FAM110B: variants seen among roughly 807,000 people sequenced by gnomAD.
The protein encoded by FAM110B is protein FAM110B.
FAM110B carries 6 observed loss-of-function variants against 20.4 expected under a neutral mutation model. The ratio of observed to expected loss-of-function variants is 0.29; its 90% CI spans 0.16 to 0.58. The LOEUF (loss-of-function observed/expected upper bound fraction) is 0.58. FAM110B is among the 20% of genes least tolerant of loss of function. The pLI, the probability that FAM110B is intolerant of heterozygous loss-of-function variation, is 0.90. For synonymous variants in FAM110B, 226 were observed against 214.1 expected, an observed-to-expected ratio of 1.06 and a Z score of -0.49; for missense variants, 434 against 498.2, an observed-to-expected ratio of 0.87 and a Z score of 1.23.
rs144263078 is a variant in FAM110B, at chr8:58,075,744, A to G, written c.-325+121A>G. 102 of 152,064 alleles carry G rather than the reference A, an allele frequency of 6.7e-4. 6 individuals are homozygous for G. The highest frequency in any genetic ancestry group is 2.4e-3 in the African/African-American group (99 of 41,514). The allele number at this position is 152,064 out of a possible 1,614,324, so 9.4% of individuals were successfully genotyped here. On this transcript the variant is annotated intron_variant, in intron 3 of 3. Coordinates refer to ENST00000519262, the MANE Select transcript of FAM110B (RefSeq NM_001377989.1). ...GGTTTCAGATATTTTGCTGTCTGGCAATAAATAAATAAATAAATATTTAAA... is the reference window on the plus strand; with the variant it reads ...GGTTTCAGATATTTTGCTGTCTGGCGATAAATAAATAAATAAATATTTAAA...
At chr8:58,057,632 G>A (rs768500772) in intron 2 of FAM110B, among the ~76,000 whole-genome samples, 2 of 152,124 alleles carry the variant, frequency 1.3e-5, no homozygotes, top group African/African-American at 2.4e-5. Flanking sequence ...TTCAGAAATA[G>A]TCATGTGGCT....
intron 2 of FAM110B, among the ~76,000 whole-genome samples, chr8:58,036,550 A>G (rs1805076121): frequency 6.6e-6 from 1 of 152,240 alleles, no homozygotes; most frequent in South Asian, 2.1e-4. Context: ...GCTGGTAAGA[A>G]TAATACAGCC....
At chr8:58,138,699 T>C (rs1215445822) in intron 3 of FAM110B, among the ~76,000 whole-genome samples, 23 of 152,226 alleles carry the variant, frequency 1.5e-4, no homozygotes, top group Admixed American at 1.4e-3. Flanking sequence ...GGTAACAAAC[T>C]GTACCCAGTC....
intron 3 of FAM110B, among the ~76,000 whole-genome samples, chr8:58,078,004 A>G (rs962512809): frequency 6.6e-6 from 1 of 152,236 alleles, no homozygotes; most frequent in Non-Finnish European, 1.5e-5. Context: ...TGTTTTGAAA[A>G]GCATAATTTG....
chr8:58,059,762 A>G (rs1805618884), intron 2 of FAM110B, among the ~76,000 whole-genome samples: 1 of 150,428 alleles, frequency 6.6e-6, no homozygotes, highest in Admixed American at 6.6e-5. Flanking sequence ...AGAGCAGTTT[A>G]TTAATTCTTT....
chr8:58,092,254 T>G (rs1806499634), intron 3 of FAM110B, among the ~76,000 whole-genome samples: 1 of 152,242 alleles, frequency 6.6e-6, no homozygotes, highest in Non-Finnish European at 1.5e-5. Context: ...TTATTTATTT[T>G]TTTAATTTTA....
At chr8:58,140,101 A>G (rs960823518) in intron 3 of FAM110B, among the ~76,000 whole-genome samples, 2 of 152,114 alleles carry the variant, frequency 1.3e-5, no homozygotes, top group African/African-American at 2.4e-5. Context: ...CAGGGTGCAG[A>G]GGAAGAAGGG....
chr8:58,079,648 G>T (rs1806139478), intron 3 of FAM110B, among the ~76,000 whole-genome samples: 1 of 152,082 alleles, frequency 6.6e-6, no homozygotes. Context: ...AGGTGTTGTG[G>T]CATGCGCCTG....
intron 3 of FAM110B, among the ~76,000 whole-genome samples, chr8:58,115,158 G>T (rs181448473): frequency 6.6e-6 from 1 of 151,888 alleles, no homozygotes; most frequent in East Asian, 1.9e-4. Flanking sequence ...CCCCACCCTG[G>T]CCAATTTCTT....
At chr8:57,998,257 G>A (rs1235303440) in intron 1 of FAM110B, among the ~76,000 whole-genome samples, 1 of 152,186 alleles carries the variant, frequency 6.6e-6, no homozygotes, top group South Asian at 2.1e-4. Context: ...GGCACATTTA[G>A]CTTCTTTGAA....
At chr8:58,079,077 C>CG (rs1806117550) in intron 3 of FAM110B, among the ~76,000 whole-genome samples, 1 of 152,148 alleles carries the variant, frequency 6.6e-6, no homozygotes. Flanking sequence ...GCCAGCACCC[C>CG]TGACTTTTGC....
At chr8:58,138,294 C>T (rs1803666962) in intron 3 of FAM110B, among the ~76,000 whole-genome samples, 1 of 152,230 alleles carries the variant, frequency 6.6e-6, no homozygotes, top group Non-Finnish European at 1.5e-5. Flanking sequence ...ACATTGTTTT[C>T]TGTTGGCCTC....
rs1490861471 is a variant in FAM110B, at chr8:58,148,175, T to TG, written c.*832_*833insG. ...AAAGTTGTGGTTTTTTGTTTTTTTTTTTTTTTTTTTTGGTCGAGAACTACT... is the reference window on the plus strand; with the variant it reads ...AAAGTTGTGGTTTTTTGTTTTTTTTTGTTTTTTTTTTTGGTCGAGAACTACT... On this transcript the variant is annotated 3_prime_UTR_variant, in exon 4 of 4. Coordinates refer to ENST00000519262, the MANE Select transcript of FAM110B (RefSeq NM_001377989.1). 7 of 154,482 alleles carry TG rather than the reference T, an allele frequency of 4.5e-5. No individual in the cohort carries two copies. The highest frequency in any genetic ancestry group is 2.2e-4 in the Admixed American group (3 of 13,714). 9.6% of individuals were successfully genotyped at this position (154,482 alleles called of 1,614,324 possible).
chr8:58,125,721 AT>A (rs1807483756), intron 3 of FAM110B, among the ~76,000 whole-genome samples: 1 of 152,228 alleles, frequency 6.6e-6, no homozygotes, highest in Admixed American at 6.5e-5. Context: ...CCTGAGAAAC[AT>A]GTCAATTTAC....
At chr8:58,000,014 C>T (rs1804260889) in intron 1 of FAM110B, among the ~76,000 whole-genome samples, 1 of 152,152 alleles carries the variant, frequency 6.6e-6, no homozygotes, top group African/African-American at 2.4e-5. Context: ...CAAGCAAAAA[C>T]TGTGCAAGAT....
chr8:58,003,121 A>G (rs970266188), intron 1 of FAM110B, among the ~76,000 whole-genome samples: 1 of 152,252 alleles, frequency 6.6e-6, no homozygotes, highest in Non-Finnish European at 1.5e-5. Flanking sequence ...TGTTTAGAGC[A>G]TCTTCAGCAG....
chr8:58,141,457 G>A (rs1300764538), intron 3 of FAM110B, among the ~76,000 whole-genome samples: 1 of 152,166 alleles, frequency 6.6e-6, no homozygotes, highest in Non-Finnish European at 1.5e-5. Flanking sequence ...ACTTAGAGCT[G>A]AATTACTCAG....
Position 58,147,400 on chromosome 8 carries a change from T to C in FAM110B, c.*57T>C. 6.4e-7 allele frequency: 1 copy of C among 1,557,148 alleles called. No individual in the cohort carries two copies. Among genetic ancestry groups the C allele is most frequent in the Non-Finnish European group, 8.7e-7 (1 of 1,149,806 alleles). Reference sequence around the variant, plus strand: ...TCTGTGCTTACGCAGTTGTGAAGGTTGTGAGGTCTCCTTGAAGTGTTGTGA... The same window carrying C: ...TCTGTGCTTACGCAGTTGTGAAGGTCGTGAGGTCTCCTTGAAGTGTTGTGA... On this transcript the variant is annotated 3_prime_UTR_variant, in exon 4 of 4. Coordinates refer to ENST00000519262, the MANE Select transcript of FAM110B (RefSeq NM_001377989.1).
intron 2 of FAM110B, among the ~76,000 whole-genome samples, chr8:58,065,621 A>G (rs998561943): frequency 6.6e-6 from 1 of 152,158 alleles, no homozygotes; most frequent in Admixed American, 6.6e-5. Flanking sequence ...GCTTTATTAT[A>G]TATTAGATTA....
Sources: gnomAD v4.1 joint callset for allele counts (sites outside exome capture counted in the v4.1 genomes callset) on GRCh38, gnomAD v4.1.1 for gene constraint, MANE v1.5 for transcripts, NCBI Gene and HGNC (gene_info 2026-07-23, HGNC 2026-07-21) for gene names.